The following FPGS variants were observed in gnomAD, a reference collection of about 807,000 sequenced individuals.
FPGS encodes folylpolyglutamate synthase, mitochondrial.
Under a neutral mutation model 66.5 loss-of-function variants are expected in FPGS, and 53 were observed. The ratio of observed to expected loss-of-function variants is 0.80; its 90% CI spans 0.64 to 1.00. The LOEUF (loss-of-function observed/expected upper bound fraction) is 1.00. Among genes scored for constraint, FPGS ranks in the 50% least tolerant of loss-of-function variants. The pLI is 0.00. For synonymous variants in FPGS, 348 were observed against 350.9 expected (o/e 0.99, Z 0.09); for missense variants, 702 against 807.7 (o/e 0.87, Z 1.59).
At position 127,808,594 on chromosome 9, in the gene FPGS, G is replaced by A. The variant is rs372883379; in HGVS notation, c.859G>A (p.Glu287Lys). 1.9e-6 allele frequency: 3 copies of A among 1,612,070 alleles called. No individual in the cohort carries two copies. The highest frequency in any genetic ancestry group is 1.3e-5 in the African/African-American group (1 of 74,900). The change falls in exon 10 of 15, where the codon GAG (glutamate) becomes AAG (lysine). Residue 287 changes from glutamate to lysine, a missense_variant. Glu to Lys is a moderately conservative substitution (Grantham distance 56). Around this residue, in one of 3 missense-constraint regions of FPGS, gnomAD observed 240 missense variants for 348.6 expected, o/e 0.69. Transcript: ENST00000373247. ...LYLCPMLEAL[E>K]EGGPPLTLGL... ...CCTGTGTCCGATGCTGGAGGCCCTC[G>A]AGGAAGGGGGGCCGCCGCTGACCCT...
intron 11 of FPGS, among the ~76,000 whole-genome samples, chr9:127,809,378 G>A (rs1829964074): frequency 6.6e-6 from 1 of 152,168 alleles, no homozygotes. Flanking sequence ...CTGTTATCAA[G>A]GGCAAGTGAC....
intron 1 of FPGS, 64 bp from the exon 2 acceptor site, chr9:127,804,221 C>A: frequency 6.3e-7 from 1 of 1,578,220 alleles, no homozygotes; most frequent in Non-Finnish European, 8.6e-7. Context: ...GGTCTGCTGG[C>A]TGTCTCTGTG....
chr9:127,803,101 A>G lies in FPGS; in HGVS notation c.138+39A>G, dbSNP rs371032601. The G allele has an allele frequency of 5.9e-4, 790 of 1,347,502 alleles. 1 individual carries two copies. Among genetic ancestry groups the G allele is most frequent in the Non-Finnish European group, 7.2e-4 (758 of 1,054,084 alleles). 83.5% of individuals were successfully genotyped at this position (1,347,502 alleles called of 1,614,324 possible). ...CAGCGGGCCAGCGGGCCTGGGCGCG[A>G]CGACACGTGGGCCTGCGCTGAGCCG... On this transcript the variant is annotated intron_variant, in intron 1 of 14. Coordinates refer to ENST00000373247, the MANE Select transcript of FPGS (RefSeq NM_004957.6).
At chr9:127,808,921 A>C (rs2131852326) in intron 11 of FPGS, 32 bp downstream of exon 11, 1 of 1,414,850 alleles carries the variant, frequency 7.1e-7, no homozygotes, top group Non-Finnish European at 9.7e-7. Context: ...AGCTGGGACC[A>C]CTGCGTGTGT....
At chr9:127,809,460 GA>G (rs886589883) in intron 11 of FPGS, among the ~76,000 whole-genome samples, 2 of 152,182 alleles carry the variant, frequency 1.3e-5, no homozygotes, top group Admixed American at 6.5e-5. Flanking sequence ...TGTCAAACGG[GA>G]ATAGCAGGCC....
chr9:127,804,263 A>G lies in FPGS; in HGVS notation c.139-22A>G, dbSNP rs541685025. 125 of 1,611,986 alleles carry G rather than the reference A, an allele frequency of 7.8e-5. 1 individual carries two copies. The South Asian group carries it at 1.1e-3, about 15-fold the overall frequency. ...GACCCTGAGTGAGCCTTAACCTACT[A>G]TCTGGGCACTGTGGTTGCCAGGATG... On this transcript the variant is annotated intron_variant, in intron 1 of 14. Coordinates refer to ENST00000373247, the MANE Select transcript of FPGS (RefSeq NM_004957.6).
Position 127,807,068 on chromosome 9 carries a change from AC to A in FPGS, c.484del (p.Arg162GlyfsTer20). On this transcript the variant is annotated frameshift_variant, in exon 5 of 15. Coordinates refer to ENST00000373247, the MANE Select transcript of FPGS (RefSeq NM_004957.6). LOFTEE classifies it high-confidence loss of function. This position sits in a 1 kb window ranked among gnomAD's most constrained non-coding sequence, Gnocchi z 5.8. Reference protein sequence around the residue: ...LFTKYFWRLYHRLEETKDGSC... With the variant: ...LFTKYFWRLYXRLEETKDGSC... ...ACCAAGTACTTCTGGCGCCTCTACCACCGGCTGGAGGAGACCAAGGTGCCGC... is the reference window on the plus strand; with the variant it reads ...ACCAAGTACTTCTGGCGCCTCTACCACGGCTGGAGGAGACCAAGGTGCCGC... The A allele has an allele frequency of 6.2e-7, 1 of 1,613,760 alleles. No individual in the cohort carries two copies.
intron 12 of FPGS, 53 bp downstream of exon 12, chr9:127,809,887 G>C: frequency 1.3e-6 from 1 of 769,014 alleles, no homozygotes; most frequent in Non-Finnish European, 2.1e-6. Context: ...GGAGGGGCGG[G>C]ATCTTGGGGA....
At position 127,814,075 on chromosome 9, in the gene FPGS, C is replaced by A; in HGVS notation, c.*471C>A. ...TTTTTTAAAGAAATGGCAAAGCCTT[C>A]GACTGACCCTTGACCCCCTGCTCCC... is the stretch of plus-strand genomic sequence containing the variant. On this transcript the variant is annotated 3_prime_UTR_variant, in exon 15 of 15. Coordinates refer to ENST00000373247, the MANE Select transcript of FPGS (RefSeq NM_004957.6). 1 of 988,564 alleles carries A rather than the reference C, an allele frequency of 1.0e-6. No homozygotes were observed. Among genetic ancestry groups the A allele is most frequent in the Non-Finnish European group, 1.2e-6 (1 of 832,274 alleles). 61.2% of individuals were successfully genotyped at this position (988,564 alleles called of 1,614,324 possible).
chr9:127,806,771 G>A (rs960369871), intron 4 of FPGS: 5 of 591,644 alleles, frequency 8.5e-6, no homozygotes, highest in Non-Finnish European at 1.5e-5. Flanking sequence ...GGTGAATAGG[G>A]TGAGCCAGGT....
In FPGS at chr9:127,804,288, G is replaced by A; in HGVS notation, c.142G>A (p.Ala48Thr). 6.2e-7 allele frequency: 1 copy of A among 1,614,000 alleles called. No individual in the cohort carries two copies. Among genetic ancestry groups the A allele is most frequent in the Non-Finnish European group, 8.5e-7 (1 of 1,179,910 alleles). ...ATCTGGGCACTGTGGTTGCCAGGAT[G>A]CCGTGCGCATGCTCAATACCCTGCA... is the stretch of plus-strand genomic sequence containing the variant. ...PQEPSMEYQDAVRMLNTLQTN... is the reference protein window; with the variant it reads ...PQEPSMEYQDTVRMLNTLQTN... Residue 48 changes from alanine to threonine, a missense_variant, in exon 2 of 15, where the codon GCC becomes ACC. Physicochemically the swap from Ala to Thr is moderately conservative, Grantham distance 58. Coordinates refer to ENST00000373247, the MANE Select transcript of FPGS (RefSeq NM_004957.6).
intron 9 of FPGS, 115 bp downstream of exon 9, chr9:127,808,426 C>T: frequency 6.7e-7 from 1 of 1,501,360 alleles, no homozygotes. Flanking sequence ...GGACGCTGGG[C>T]CAGCTGCCAG....
chr9:127,808,201 G>T, intron 8 of FPGS, 33 bp from the exon 9 acceptor site: 1 of 1,550,110 alleles, frequency 6.5e-7, no homozygotes, highest in Non-Finnish European at 8.9e-7. Flanking sequence ...AGGATGCTAG[G>T]TAGCCCTTTC....
chr9:127,804,149 G>A lies in FPGS; in HGVS notation c.139-136G>A, dbSNP rs903209153. 8 of 1,136,492 alleles carry A rather than the reference G, an allele frequency of 7.0e-6. No individual in the cohort carries two copies. The Admixed American group carries it at 1.6e-4, about 23-fold the overall frequency. 70.4% of individuals were successfully genotyped at this position (1,136,492 alleles called of 1,614,324 possible). On this transcript the variant is annotated intron_variant, in intron 1 of 14. Coordinates refer to ENST00000373247, the MANE Select transcript of FPGS (RefSeq NM_004957.6). ...CTCTGTTGCTTAACCTACAGGCTAG[G>A]CTAACAGTGCTGGCATGGCAGGCGG...
rs1489932894 is a variant in FPGS, at chr9:127,804,315, A to T, written c.169A>T (p.Thr57Ser). 1 of 1,614,024 alleles carries T rather than the reference A, an allele frequency of 6.2e-7. No individual in the cohort carries two copies. Among genetic ancestry groups the T allele is most frequent in the African/African-American group, 1.3e-5 (1 of 74,924 alleles). The change falls in exon 2 of 15, where the codon ACC becomes TCC. Residue 57 changes from threonine (T) to serine (S), a missense_variant. Transcript: ENST00000373247. ...DAVRMLNTLQTNAGYLEQVKR... is the reference protein window; with the variant it reads ...DAVRMLNTLQSNAGYLEQVKR... ...CGTGCGCATGCTCAATACCCTGCAG[A>T]CCAATGCCGGCTACCTGGAGCAGGT...
At position 127,810,124 on chromosome 9, in the gene FPGS, G is replaced by T. The variant is rs1389858917; in HGVS notation, c.1287+18G>T. 3.1e-6 allele frequency: 5 copies of T among 1,611,186 alleles called. No homozygotes were observed. The African/African-American group carries it at 4.0e-5, about 13-fold the overall frequency. ...TGCTGCAGGTGAGGGGCCAACTTGG[G>T]GGTGGGCGGCAGGCAGTCCTGAAGC... On this transcript the variant is annotated intron_variant, in intron 13 of 14. Transcript: ENST00000373247.
chr9:127,813,446 C>T lies in FPGS; in HGVS notation c.1606C>T (p.Gln536Ter). The stretch of plus-strand genomic sequence containing the variant: ...CAGCCAAGGCCGAGACCCCATCTTC[C>T]AGCCACCTAGTCCCCCAAAGGGCCT... Reference protein sequence around the residue: ...WISQGRDPIFQPPSPPKGLLT... With the variant: ...WISQGRDPIF The change falls in exon 15 of 15, where the codon CAG becomes TAG. Residue 536 changes from glutamine to a stop codon, truncating the protein, a stop_gained. Coordinates refer to ENST00000373247, the MANE Select transcript of FPGS (RefSeq NM_004957.6). LOFTEE classifies it high-confidence loss of function. The T allele has an allele frequency of 6.2e-7, 1 of 1,611,902 alleles. No individual in the cohort carries two copies. Among genetic ancestry groups the T allele is most frequent in the Non-Finnish European group, 8.5e-7 (1 of 1,178,804 alleles).
At chr9:127,811,305 C>T (rs1473520714) in intron 14 of FPGS, among the ~76,000 whole-genome samples, 1 of 151,310 alleles carries the variant, frequency 6.6e-6, no homozygotes, top group African/African-American at 2.4e-5. Flanking sequence ...GGTGAAACCC[C>T]GTCTCTACAA....
At position 127,804,361 on chromosome 9, in the gene FPGS, C is replaced by T; in HGVS notation, c.215C>T (p.Pro72Leu). The change falls in exon 2 of 15, where the codon CCT (proline) becomes CTT (leucine). Residue 72 changes from proline to leucine, a missense_variant. Physicochemically the swap from Pro to Leu is moderately conservative, Grantham distance 98. Coordinates refer to ENST00000373247, the MANE Select transcript of FPGS (RefSeq NM_004957.6). The part of the protein sequence containing the change: ...LEQVKRQRGD[P>L]QTQLEAMELY... ...CAGGTGAAGCGCCAGCGGGGTGACC[C>T]TCAGACACAGTTGGAAGCCATGGAA... The T allele has an allele frequency of 6.2e-7, 1 of 1,614,210 alleles. No individual in the cohort carries two copies. The highest frequency in any genetic ancestry group is 8.5e-7 in the Non-Finnish European group (1 of 1,180,038).
Sources: gnomAD v4.1 joint callset for allele counts (sites outside exome capture counted in the v4.1 genomes callset) on GRCh38, gnomAD v4.1.1 for gene constraint, gnomAD v4.1.1 regional missense constraint, Gnocchi (gnomAD v3.1) non-coding constraint, MANE v1.5 for transcripts, NCBI Gene and HGNC (gene_info 2026-07-23, HGNC 2026-07-21) for gene names.